Variants in TRIP12 observed in about 807,000 individuals in gnomAD.
The protein encoded by TRIP12 is E3 ubiquitin-protein ligase TRIP12.
In TRIP12, 25 loss-of-function variants were observed where a neutral mutation model predicts 244.2. The ratio of observed to expected loss-of-function variants is 0.10; its 90% CI spans 0.07 to 0.14. The LOEUF is 0.14. Ranked by LOEUF, TRIP12 falls within the 10% of genes least tolerant of loss-of-function variation. TRIP12 has a pLI of 1.00. For missense variants in TRIP12, 1,677 were observed against 2,486.4 expected, an observed-to-expected ratio of 0.67 and a Z score of 6.92; for synonymous variants, 905 against 873.1, an observed-to-expected ratio of 1.04 and a Z score of -0.64.
chr2:229,884,660 G>A (rs1378642173), intron 1 of TRIP12, among the ~76,000 whole-genome samples: 2 of 152,072 alleles, frequency 1.3e-5, no homozygotes, highest in African/African-American at 4.8e-5. Flanking sequence ...TCAGAACACT[G>A]AAAGAAATCA....
Position 229,856,074 on chromosome 2 carries a change from C to A in TRIP12, c.1027+2698G>T, listed in dbSNP as rs181294873. Among the ~76,000 whole-genome samples the A allele has an allele frequency of 2.8e-4, 42 of 151,386 alleles. No homozygotes were observed. The East Asian group carries it at 7.9e-3, about 29-fold the overall frequency. The stretch of plus-strand genomic sequence containing the variant: ...AAAAAAAAAGTGTATCCTAAAGCAC[C>A]ATTTTTTTTAAAAGAATATGTAACT... On this transcript the variant is annotated intron_variant, in intron 4 of 41. Coordinates refer to ENST00000675903, the MANE Select transcript of TRIP12 (RefSeq NM_001348323.3).
intron 2 of TRIP12, among the ~76,000 whole-genome samples, chr2:229,863,160 CG>C (rs1322791568): frequency 5.4e-5 from 8 of 148,570 alleles, no homozygotes; most frequent in African/African-American, 1.5e-4. Context: ...ACCCAGGAGG[CG>C]GAGGTTGCAG....
At chr2:229,790,144 A>G (rs2041078097) in intron 30 of TRIP12, among the ~76,000 whole-genome samples, 1 of 152,242 alleles carries the variant, frequency 6.6e-6, no homozygotes, top group African/African-American at 2.4e-5. Context: ...TTATAACTAG[A>G]TGAATACCTC....
intron 2 of TRIP12, among the ~76,000 whole-genome samples, chr2:229,864,047 A>AGAGTGAGTGTGTGTGT: frequency 2.5e-5 from 2 of 79,320 alleles, no homozygotes; most frequent in Non-Finnish European, 5.1e-5. Context: ...AGAGAGAGAG[A>AGAGTGAGTGTGTGTGT]GTGTGTGTGT....
At chr2:229,773,239 C>T (rs1574746370) in intron 38 of TRIP12, among the ~76,000 whole-genome samples, 2 of 152,068 alleles carry the variant, frequency 1.3e-5, no homozygotes, top group South Asian at 2.1e-4. Flanking sequence ...CCACACCTGG[C>T]TAATTTTTGT....
chr2:229,837,880 C>T (rs1273672557), intron 5 of TRIP12, among the ~76,000 whole-genome samples: 1 of 152,160 alleles, frequency 6.6e-6, no homozygotes, highest in African/African-American at 2.4e-5. Flanking sequence ...CCACTTATTT[C>T]TCCTATAGAA....
chr2:229,811,752 A>T (rs1001951037), intron 13 of TRIP12, among the ~76,000 whole-genome samples: 2 of 152,244 alleles, frequency 1.3e-5, no homozygotes, highest in African/African-American at 4.8e-5. Flanking sequence ...CTGACAAAAC[A>T]TTTGAAATAA....
At chr2:229,829,713 C>T (rs2052770956) in intron 7 of TRIP12, among the ~76,000 whole-genome samples, 2 of 152,174 alleles carry the variant, frequency 1.3e-5, no homozygotes, top group African/African-American at 4.8e-5. Context: ...CTTTGGGAGG[C>T]CGAGACGGGA....
At chr2:229,902,676 T>C (rs1247649555) in intron 1 of TRIP12, among the ~76,000 whole-genome samples, 1 of 152,222 alleles carries the variant, frequency 6.6e-6, no homozygotes, top group Non-Finnish European at 1.5e-5. Context: ...CTTATGGGTA[T>C]TAATTTTGTG....
At chr2:229,878,862 G>A (rs1321074680) in intron 2 of TRIP12, among the ~76,000 whole-genome samples, 29 of 152,054 alleles carry the variant, frequency 1.9e-4, no homozygotes, top group African/African-American at 6.0e-4. Flanking sequence ...GATTACAGGT[G>A]TGAGCCACCG....
chr2:229,811,492 A>C (rs2047234861), intron 13 of TRIP12, among the ~76,000 whole-genome samples: 1 of 152,052 alleles, frequency 6.6e-6, no homozygotes, highest in South Asian at 2.1e-4. Context: ...TCAATACCTA[A>C]ACAAATGTTA....
At chr2:229,864,643 C>G (rs1340686264) in intron 2 of TRIP12, among the ~76,000 whole-genome samples, 1 of 151,354 alleles carries the variant, frequency 6.6e-6, no homozygotes, top group Non-Finnish European at 1.5e-5. Flanking sequence ...TCCCCATTTT[C>G]AGTTTATACA....
chr2:229,814,338 A>G lies in TRIP12; in HGVS notation c.1732-13T>C. On this transcript the variant is annotated splice_polypyrimidine_tract_variant and intron_variant, in intron 11 of 41. Coordinates refer to ENST00000675903, the MANE Select transcript of TRIP12 (RefSeq NM_001348323.3). ...GAATAACTTGCAGCTGGGAACATATATATAGTTACCATAAGGTTATCATTT... is the reference window on the plus strand; with the variant it reads ...GAATAACTTGCAGCTGGGAACATATGTATAGTTACCATAAGGTTATCATTT... 6.2e-7 allele frequency: 1 copy of G among 1,609,134 alleles called. No homozygotes were observed. Among genetic ancestry groups the G allele is most frequent in the Non-Finnish European group, 8.5e-7 (1 of 1,176,544 alleles).
intron 1 of TRIP12, among the ~76,000 whole-genome samples, chr2:229,904,699 T>C (rs1333913443): frequency 1.3e-5 from 2 of 152,164 alleles, no homozygotes; most frequent in African/African-American, 2.4e-5. Flanking sequence ...CTCTATACTT[T>C]ATAATCAGAA....
chr2:229,878,305 C>G (rs539839004), intron 2 of TRIP12, among the ~76,000 whole-genome samples: 1 of 151,884 alleles, frequency 6.6e-6, no homozygotes, highest in Non-Finnish European at 1.5e-5. Context: ...CAGAAATTAG[C>G]CAGGTGTGAT....
At chr2:229,856,276 G>C (rs1199940169) in intron 4 of TRIP12, among the ~76,000 whole-genome samples, 1 of 152,138 alleles carries the variant, frequency 6.6e-6, no homozygotes, top group Non-Finnish European at 1.5e-5. Context: ...TGAAATAATG[G>C]TGAAATGAGT....
intron 1 of TRIP12, among the ~76,000 whole-genome samples, chr2:229,881,578 T>C (rs1330045456): frequency 6.6e-6 from 1 of 152,228 alleles, no homozygotes; most frequent in Non-Finnish European, 1.5e-5. Context: ...AAAAAGACTG[T>C]TTCTATCACA....
intron 7 of TRIP12, among the ~76,000 whole-genome samples, chr2:229,830,333 G>A (rs925689963): frequency 6.6e-6 from 1 of 152,160 alleles, no homozygotes; most frequent in Non-Finnish European, 1.5e-5. Context: ...ATGGCCTTGA[G>A]CAGTAGGATA....
intron 2 of TRIP12, among the ~76,000 whole-genome samples, chr2:229,872,104 TAAAA>T (rs34496202): frequency 1.1e-4 from 12 of 105,264 alleles, no homozygotes; most frequent in Admixed American, 4.3e-4. Context: ...ACAGATATTG[TAAAA>T]AAAAAAAAAA....
Sources: gnomAD v4.1 joint callset for allele counts (sites outside exome capture counted in the v4.1 genomes callset) on GRCh38, gnomAD v4.1.1 for gene constraint, MANE v1.5 for transcripts, NCBI Gene and HGNC (gene_info 2026-07-23, HGNC 2026-07-21) for gene names.